GSE1: variants seen among roughly 807,000 people sequenced by gnomAD.
GSE1 encodes the protein genetic suppressor element 1.
GSE1 carries 32 observed loss-of-function variants against 112.6 expected under a neutral mutation model. That is an observed-to-expected ratio of 0.28 (90% CI 0.21 to 0.38). The LOEUF is 0.38. Ranked by LOEUF, GSE1 falls within the 10% of genes least tolerant of loss-of-function variation. The pLI, the probability that GSE1 is intolerant of heterozygous loss-of-function variation, is 1.00. For missense variants in GSE1, 2,348 were observed against 1,699.2 expected (o/e 1.38, Z -6.71); for synonymous variants, 1,115 against 735.6 (o/e 1.52, Z -8.35).
intron 1 of GSE1, among the ~76,000 whole-genome samples, chr16:85,336,445 C>G (rs942218442): frequency 2.0e-5 from 3 of 152,178 alleles, no homozygotes; most frequent in Admixed American, 6.5e-5. Flanking sequence ...ACAGAAGGGG[C>G]AGAATCAGAG....
chr16:85,654,444 C>T lies in GSE1; in HGVS notation c.593C>T (p.Pro198Leu), dbSNP rs749134549. 1.1e-5 allele frequency: 18 copies of T among 1,567,454 alleles called. No homozygotes were observed. The highest frequency in any genetic ancestry group is 9.5e-5 in the South Asian group (8 of 84,254). The part of the protein sequence containing the change: ...SSVVQDSRFP[P>L]LNLQRPVHHV... ...GTTGTGCAGGATTCCCGCTTCCCGCCACTCAAGTAAGTTGGTCGGCGGGGA... is the reference window on the plus strand; with the variant it reads ...GTTGTGCAGGATTCCCGCTTCCCGCTACTCAAGTAAGTTGGTCGGCGGGGA... Residue 198 changes from proline (P) to leucine (L), a missense_variant, in exon 4 of 16, where the codon CCA becomes CTA. Physicochemically the swap from Pro to Leu is moderately conservative, Grantham distance 98 (BLOSUM62 -3). Transcript: ENST00000253458.
intron 1 of GSE1, among the ~76,000 whole-genome samples, chr16:85,205,479 C>T (rs767439968): frequency 1.4e-4 from 21 of 152,220 alleles, no homozygotes; most frequent in Non-Finnish European, 1.3e-4. Flanking sequence ...AGAGGTTAGA[C>T]CACTGGCCTG....
chr16:85,421,986 G>C (rs1234840965), intron 2 of GSE1, among the ~76,000 whole-genome samples: 4 of 152,134 alleles, frequency 2.6e-5, no homozygotes, highest in African/African-American at 4.8e-5. Context: ...TGTGATCATT[G>C]TCTTTCCGGG....
chr16:85,554,841 C>G (rs112592025), upstream of GSE1: 1 of 982,276 alleles, frequency 1.0e-6, no homozygotes, highest in South Asian at 4.7e-5. Flanking sequence ...GTTGGGCAGC[C>G]GGAGGGGGGG....
At chr16:85,616,307 C>T (rs1250116434) in intron 1 of GSE1, among the ~76,000 whole-genome samples, 1 of 152,256 alleles carries the variant, frequency 6.6e-6, no homozygotes, top group Non-Finnish European at 1.5e-5. Context: ...GAGCTGGTGC[C>T]TCCCACTTTT....
intron 2 of GSE1, among the ~76,000 whole-genome samples, chr16:85,371,652 C>T (rs941069141): frequency 6.6e-6 from 1 of 152,318 alleles, no homozygotes; most frequent in African/African-American, 2.4e-5. Flanking sequence ...TTGTACTGTG[C>T]ATGGACCCTT....
intron 2 of GSE1, among the ~76,000 whole-genome samples, chr16:85,635,141 G>T (rs967107688): frequency 1.2e-4 from 19 of 152,280 alleles, no homozygotes; most frequent in Admixed American, 3.3e-4. Context: ...GGGCGGGCTG[G>T]GGGGACTTCT....
chr16:85,597,469 T>C (rs1404728325), intron 1 of GSE1, among the ~76,000 whole-genome samples: 5 of 151,674 alleles, frequency 3.3e-5, no homozygotes, highest in Admixed American at 3.3e-4. Context: ...TTAAATTAAA[T>C]TTAATTAATT....
chr16:85,370,148 C>T (rs965873223), intron 2 of GSE1, among the ~76,000 whole-genome samples: 7 of 152,108 alleles, frequency 4.6e-5, no homozygotes, highest in South Asian at 2.1e-4. Context: ...CAGGAGGTGG[C>T]GCAGTGAAGC....
At chr16:85,469,559 C>T (rs143179064) in intron 2 of GSE1, among the ~76,000 whole-genome samples, 33 of 152,298 alleles carry the variant, frequency 2.2e-4, no homozygotes, top group African/African-American at 7.0e-4. Flanking sequence ...ACACGGGCAT[C>T]ACCTTTTCCC....
At chr16:85,228,408 C>T (rs1024585350) in intron 1 of GSE1, among the ~76,000 whole-genome samples, 6 of 152,150 alleles carry the variant, frequency 3.9e-5, no homozygotes, top group South Asian at 2.1e-4. Flanking sequence ...CCAGGAGCTT[C>T]GGGGAAGGCT....
chr16:85,653,956 C>T (rs544034049), intron 3 of GSE1, among the ~76,000 whole-genome samples: 4 of 152,060 alleles, frequency 2.6e-5, no homozygotes, highest in South Asian at 2.1e-4. Flanking sequence ...AGGCAGGAGC[C>T]CCTGCCACCC....
rs773748959 is a variant in GSE1, at chr16:85,661,754, C to G, written c.2249C>G (p.Ala750Gly). 4 of 1,530,100 alleles carry G rather than the reference C, an allele frequency of 2.6e-6. No homozygotes were observed. Among genetic ancestry groups the G allele is most frequent in the Non-Finnish European group, 3.5e-6 (4 of 1,135,046 alleles). 94.8% of individuals were successfully genotyped at this position (1,530,100 alleles called of 1,614,324 possible). The change falls in exon 9 of 16, where the codon GCC (alanine) becomes GGC (glycine). Residue 750 changes from alanine to glycine, a missense_variant. Coordinates refer to ENST00000253458, the MANE Select transcript of GSE1 (RefSeq NM_014615.5). ...LDLEERRRRE[A>G]QEKGYYYDLD... ...CTGGAGGAGCGCAGGCGGCGGGAGG[C>G]CCAGGAGAAAGGTCTGCCTCCCCGC... is the stretch of plus-strand genomic sequence containing the variant.
intron 1 of GSE1, among the ~76,000 whole-genome samples, chr16:85,626,208 C>G (rs547146876): frequency 6.6e-6 from 1 of 152,036 alleles, no homozygotes; most frequent in East Asian, 1.9e-4. Context: ...TCCCCAGGGT[C>G]TCCCCGCCCC....
At chr16:85,636,588 T>C (rs1329009361) in intron 2 of GSE1, among the ~76,000 whole-genome samples, 1 of 152,122 alleles carries the variant, frequency 6.6e-6, no homozygotes, top group African/African-American at 2.4e-5. Flanking sequence ...CCCGGGACCC[T>C]CGGGCAGCTG....
chr16:85,342,949 C>T (rs1192423652), intron 1 of GSE1, among the ~76,000 whole-genome samples: 1 of 151,918 alleles, frequency 6.6e-6, no homozygotes, highest in South Asian at 2.1e-4. Context: ...GCAGAGAAAG[C>T]CGGGCACAGG....
chr16:85,352,115 A>G (rs1009619693), intron 1 of GSE1, among the ~76,000 whole-genome samples: 3 of 152,188 alleles, frequency 2.0e-5, no homozygotes, highest in African/African-American at 7.2e-5. Flanking sequence ...ATACACACAT[A>G]CAGTCTTCCT....
chr16:85,563,296 C>G (rs1461681541), intron 1 of GSE1, among the ~76,000 whole-genome samples: 1 of 151,624 alleles, frequency 6.6e-6, no homozygotes, highest in African/African-American at 2.4e-5. Flanking sequence ...CGTAAAATTA[C>G]TAAGTGTGGC....
intron 2 of GSE1, among the ~76,000 whole-genome samples, chr16:85,382,809 C>G (rs954055240): frequency 1.3e-5 from 2 of 151,304 alleles, no homozygotes; most frequent in Non-Finnish European, 2.9e-5. Flanking sequence ...CACACACACT[C>G]ATACACACAT....
Sources: allele counts gnomAD v4.1 joint callset (sites outside exome capture counted in the v4.1 genomes callset), GRCh38; gene constraint gnomAD v4.1.1; transcripts MANE v1.5; gene names NCBI Gene and HGNC (gene_info 2026-07-23, HGNC 2026-07-21).